Variants in NUP93 observed in about 807,000 individuals in gnomAD.
The protein encoded by NUP93 is nuclear pore complex protein Nup93.
Under a neutral mutation model 107.8 loss-of-function variants are expected in NUP93, and 55 were observed. That is an observed-to-expected ratio of 0.51 (90% confidence interval 0.41 to 0.64). The LOEUF (loss-of-function observed/expected upper bound fraction) is 0.64, where lower values mean the gene tolerates loss of function less well. Among genes scored for constraint, NUP93 ranks in the 30% least tolerant of loss-of-function variants. The pLI is 0.00. For missense variants in NUP93, 937 were observed against 1,044.7 expected (o/e 0.90, Z 1.42); for synonymous variants, 390 against 397.5 (o/e 0.98, Z 0.22).
At chr16:56,770,067 A>G (rs1375471738) in intron 3 of NUP93, among the ~76,000 whole-genome samples, 2 of 152,252 alleles carry the variant, frequency 1.3e-5, no homozygotes, top group Non-Finnish European at 2.9e-5. Flanking sequence ...TCAGCTGAAC[A>G]TTAACACCTG....
At chr16:56,793,747 C>G (rs1352337231) in intron 3 of NUP93, among the ~76,000 whole-genome samples, 1 of 152,094 alleles carries the variant, frequency 6.6e-6, no homozygotes, top group Non-Finnish European at 1.5e-5. Flanking sequence ...GAAAGAAACT[C>G]ACTGCCACTA....
chr16:56,840,111 C>T (rs1156456490), intron 20 of NUP93, among the ~76,000 whole-genome samples: 2 of 152,172 alleles, frequency 1.3e-5, no homozygotes, highest in Admixed American at 6.5e-5. Context: ...AGCTCTACCT[C>T]CCGGGTTCAC....
rs192827205 is a variant in NUP93, at chr16:56,808,871, A to G, written c.489+3239A>G. On this transcript the variant is annotated intron_variant, in intron 5 of 21. Coordinates refer to ENST00000308159, the MANE Select transcript of NUP93 (RefSeq NM_014669.5). ...ACATATATATATGCAGTGTGGTTGTATCATTCAGATATTAAAGCACCCTGT... is the reference window on the plus strand; with the variant it reads ...ACATATATATATGCAGTGTGGTTGTGTCATTCAGATATTAAAGCACCCTGT... Among the ~76,000 whole-genome samples, 881 of 149,346 alleles carry G rather than the reference A, an allele frequency of 5.9e-3. 7 individuals carry two copies. The highest frequency in any genetic ancestry group is 0.02 in the African/African-American group (834 of 40,910).
chr16:56,841,200 C>T (rs149651520), intron 20 of NUP93, among the ~76,000 whole-genome samples: 51 of 152,256 alleles, frequency 3.3e-4, no homozygotes, highest in African/African-American at 1.2e-3. Flanking sequence ...TCCTTCATTG[C>T]ATCAGGGATT....
At chr16:56,754,075 G>T (rs1040543699) in intron 2 of NUP93, among the ~76,000 whole-genome samples, 1 of 152,058 alleles carries the variant, frequency 6.6e-6, no homozygotes, top group Non-Finnish European at 1.5e-5. Flanking sequence ...TACAATCATG[G>T]CAGAAGGTGA....
At chr16:56,794,791 G>A (rs780654890) in intron 3 of NUP93, among the ~76,000 whole-genome samples, 5 of 151,866 alleles carry the variant, frequency 3.3e-5, no homozygotes, top group Non-Finnish European at 5.9e-5. Flanking sequence ...AGCTGGGCGT[G>A]GTTGCAGGCG....
chr16:56,818,888 C>T lies in NUP93; in HGVS notation c.564+150C>T, dbSNP rs974051214. The T allele has an allele frequency of 8.0e-6, 5 of 627,374 alleles. No homozygotes were observed. The African/African-American group carries it at 9.2e-5, about 12-fold the overall frequency. The allele number at this position is 627,374 out of a possible 1,614,324, so 38.9% of individuals were successfully genotyped here. Reference sequence around the variant, plus strand: ...CTAGTTAATATTTTAGCATAGGCCACTGGAGAATTCTATCAAATAGGGTAA... The same window carrying T: ...CTAGTTAATATTTTAGCATAGGCCATTGGAGAATTCTATCAAATAGGGTAA... On this transcript the variant is annotated intron_variant, in intron 6 of 21. Coordinates refer to ENST00000308159, the MANE Select transcript of NUP93 (RefSeq NM_014669.5).
At position 56,758,531 on chromosome 16, in the gene NUP93, C is replaced by G. The variant is rs1272584432; in HGVS notation, c.180-7C>G. ...CTTATATCTCCCTATTCTATATCCT[C>G]ACATAGGTCAGTTCTCCTCGGGTCT... is the stretch of plus-strand genomic sequence containing the variant. On this transcript the variant is annotated splice_polypyrimidine_tract_variant and splice_region_variant and intron_variant, in intron 2 of 21. Coordinates refer to ENST00000308159, the MANE Select transcript of NUP93 (RefSeq NM_014669.5). 2 of 1,604,552 alleles carry G rather than the reference C, an allele frequency of 1.2e-6. No homozygotes were observed. Among genetic ancestry groups the G allele is most frequent in the African/African-American group, 2.7e-5 (2 of 74,696 alleles).
chr16:56,822,850 T>G (rs1202018065), intron 7 of NUP93, among the ~76,000 whole-genome samples: 2 of 152,188 alleles, frequency 1.3e-5, no homozygotes, highest in Non-Finnish European at 2.9e-5. Flanking sequence ...AAAGTCAGGT[T>G]TCACCAATCA....
rs1303391020 is a variant in NUP93 at position 56,821,607 on chromosome 16, C to G, written c.654+14C>G. 7 of 1,583,190 alleles carry G rather than the reference C, an allele frequency of 4.4e-6. No homozygotes were observed. Among genetic ancestry groups the G allele is most frequent in the Non-Finnish European group, 4.3e-6 (5 of 1,153,412 alleles). On this transcript the variant is annotated intron_variant, in intron 7 of 21. Coordinates refer to ENST00000308159, the MANE Select transcript of NUP93 (RefSeq NM_014669.5). ...CTCGATGATAAGGTAGCACCTAGAGCTAACTCAAGTAGAAACCGGGGTCCA... is the reference window on the plus strand; with the variant it reads ...CTCGATGATAAGGTAGCACCTAGAGGTAACTCAAGTAGAAACCGGGGTCCA...
chr16:56,780,347 A>G (rs1962490727), intron 3 of NUP93, among the ~76,000 whole-genome samples: 1 of 152,214 alleles, frequency 6.6e-6, no homozygotes, highest in Non-Finnish European at 1.5e-5. Context: ...CCTCCAAATT[A>G]TGCATTTGGT....
intron 21 of NUP93, among the ~76,000 whole-genome samples, chr16:56,842,878 C>T (rs531241921): frequency 1.3e-5 from 2 of 152,216 alleles, no homozygotes; most frequent in East Asian, 3.9e-4. Context: ...TTAAAATTAC[C>T]TTTCCTTTAA....
At chr16:56,823,672 G>T in intron 7 of NUP93, 35 bp from the exon 8 acceptor site, 1 of 1,609,346 alleles carries the variant, frequency 6.2e-7, no homozygotes, top group Non-Finnish European at 8.5e-7. Context: ...CTCTGGCCCT[G>T]CAGCATTGTC....
chr16:56,814,291 T>A (rs1837006862), intron 5 of NUP93, among the ~76,000 whole-genome samples: 1 of 152,150 alleles, frequency 6.6e-6, no homozygotes, highest in Admixed American at 6.6e-5. Context: ...AGCGATCCTC[T>A]CGCTTCAGCC....
At chr16:56,781,855 A>G (rs1439578739) in intron 3 of NUP93, 62 of 985,246 alleles carry the variant, frequency 6.3e-5, no homozygotes, top group Non-Finnish European at 6.9e-5. Context: ...TGTGCTTTCA[A>G]ACTGATGGCT....
At chr16:56,745,154 T>C (rs1961800528) in intron 1 of NUP93, among the ~76,000 whole-genome samples, 2 of 152,090 alleles carry the variant, frequency 1.3e-5, no homozygotes, top group South Asian at 4.2e-4. Flanking sequence ...AAAGGCAGAG[T>C]GACAGGTGAG....
rs781563574 is a variant in NUP93 at position 56,818,715 on chromosome 16, A to G, written c.541A>G (p.Ile181Val). 43 of 1,614,066 alleles carry G rather than the reference A, an allele frequency of 2.7e-5. No homozygotes were observed. Among genetic ancestry groups the G allele is most frequent in the Admixed American group, 1.0e-4 (6 of 60,008 alleles). The change falls in exon 6 of 22, where the codon ATC becomes GTC. Residue 181 changes from isoleucine (I) to valine (V), a missense_variant. Ile to Val is a conservative substitution (Grantham distance 29). Coordinates refer to ENST00000308159, the MANE Select transcript of NUP93 (RefSeq NM_014669.5). ...CCCTGGTCGAAGCTCTCTGGATAAC[A>G]TCGAGATGGCCTATGCGCGGCAAGT... The part of the protein sequence containing the change: ...GPPGRSSLDN[I>V]EMAYARQIYI...
rs1410179295 is a variant in NUP93 at position 56,748,299 on chromosome 16, G to A, written c.52G>A (p.Ala18Thr). Residue 18 changes from alanine to threonine, a missense_variant, in exon 2 of 22, where the codon GCT becomes ACT. Ala to Thr is a moderately conservative substitution (Grantham distance 58). Transcript: ENST00000308159. The part of the protein sequence containing the change: ...ELLQQAEQLA[A>T]ETEGISELPH... ...CCTTCAGCAAGCTGAACAGCTTGCT[G>A]CTGAGACTGAGGGCATCTCAGAGCT... 2 of 1,613,992 alleles carry A rather than the reference G, an allele frequency of 1.2e-6. No homozygotes were observed. Among genetic ancestry groups the A allele is most frequent in the Non-Finnish European group, 1.7e-6 (2 of 1,179,954 alleles).
chr16:56,795,904 C>T (rs1281223288), intron 3 of NUP93, among the ~76,000 whole-genome samples: 2 of 152,134 alleles, frequency 1.3e-5, no homozygotes, highest in Non-Finnish European at 2.9e-5. Flanking sequence ...GCCTTGGCCT[C>T]CCAAAGTGCT....
Sources: allele counts gnomAD v4.1 joint callset (sites outside exome capture counted in the v4.1 genomes callset), GRCh38; gene constraint gnomAD v4.1.1; transcripts MANE v1.5; gene names NCBI Gene and HGNC (gene_info 2026-07-23, HGNC 2026-07-21).